XKR4: variants seen among roughly 807,000 people sequenced by gnomAD.
The protein encoded by XKR4 is XK-related protein 4.
In XKR4, 12 loss-of-function variants were observed where a neutral mutation model predicts 53.9. The ratio of observed to expected loss-of-function variants is 0.22; its 90% CI spans 0.14 to 0.36. XKR4 has a LOEUF of 0.36. Ranked by LOEUF, XKR4 falls within the 10% of genes least tolerant of loss-of-function variation. The pLI, the probability that XKR4 is intolerant of heterozygous loss-of-function variation, is 1.00. For missense variants in XKR4, 799 were observed against 859.5 expected, an observed-to-expected ratio of 0.93 and a Z score of 0.88; for synonymous variants, 354 against 362.4, an observed-to-expected ratio of 0.98 and a Z score of 0.26.
At chr8:55,464,297 C>A (rs553610830) in intron 2 of XKR4, among the ~76,000 whole-genome samples, 1 of 152,250 alleles carries the variant, frequency 6.6e-6, no homozygotes, top group South Asian at 2.1e-4. Flanking sequence ...TGGGCTTCAT[C>A]CCTGGGATGC....
intron 1 of XKR4, among the ~76,000 whole-genome samples, chr8:55,183,735 G>A (rs780999380): frequency 6.6e-6 from 1 of 152,152 alleles, no homozygotes; most frequent in African/African-American, 2.4e-5. Context: ...AGCCATAAAG[G>A]TCAGTTAGAT....
chr8:55,494,387 A>G (rs79037589), intron 2 of XKR4, among the ~76,000 whole-genome samples: 4 of 152,060 alleles, frequency 2.6e-5, no homozygotes, highest in African/African-American at 9.7e-5. Context: ...TCTTTTCTTC[A>G]CCCACAACAT....
chr8:55,219,225 C>A (rs1164508819), intron 1 of XKR4, among the ~76,000 whole-genome samples: 1 of 152,174 alleles, frequency 6.6e-6, no homozygotes, highest in African/African-American at 2.4e-5. Flanking sequence ...TTGCCGGGCC[C>A]TTAAGTAGTA....
intron 2 of XKR4, among the ~76,000 whole-genome samples, chr8:55,417,501 T>C (rs143480521): frequency 6.6e-6 from 1 of 152,278 alleles, no homozygotes; most frequent in African/African-American, 2.4e-5. Context: ...CAGATCCACA[T>C]ATAGATTTAG....
At chr8:55,300,232 G>T (rs1395707946) in intron 1 of XKR4, among the ~76,000 whole-genome samples, 2 of 152,176 alleles carry the variant, frequency 1.3e-5, no homozygotes, top group Non-Finnish European at 2.9e-5. Context: ...TCTATGCTGT[G>T]TGTTGAAGGA....
At chr8:55,276,786 A>AT (rs1818770631) in intron 1 of XKR4, among the ~76,000 whole-genome samples, 1 of 152,230 alleles carries the variant, frequency 6.6e-6, no homozygotes, top group Admixed American at 6.5e-5. Flanking sequence ...CTATTATTCT[A>AT]TTTTGCAATA....
At chr8:55,105,499 T>G (rs1043548334) in intron 1 of XKR4, among the ~76,000 whole-genome samples, 3 of 152,200 alleles carry the variant, frequency 2.0e-5, no homozygotes, top group Non-Finnish European at 4.4e-5. Flanking sequence ...ATTTCTATAG[T>G]ATTTTCCTTA....
intron 1 of XKR4, among the ~76,000 whole-genome samples, chr8:55,317,570 A>G (rs1208553003): frequency 6.6e-6 from 1 of 152,204 alleles, no homozygotes; most frequent in Non-Finnish European, 1.5e-5. Context: ...TTATTTATGG[A>G]TAAGAGACAG....
chr8:55,197,710 G>GT (rs915216382), intron 1 of XKR4, among the ~76,000 whole-genome samples: 2 of 151,806 alleles, frequency 1.3e-5, no homozygotes, highest in Non-Finnish European at 2.9e-5. Flanking sequence ...CGCCTGGCTA[G>GT]TTTTTTGTAT....
intron 1 of XKR4, among the ~76,000 whole-genome samples, chr8:55,236,881 C>G (rs1818134544): frequency 6.6e-6 from 1 of 152,180 alleles, no homozygotes; most frequent in African/African-American, 2.4e-5. Context: ...TCTGGACTCT[C>G]TCTCCCTCTT....
chr8:55,451,296 T>C (rs959227147), intron 2 of XKR4: 4 of 594,234 alleles, frequency 6.7e-6, no homozygotes, highest in Non-Finnish European at 1.2e-5. Context: ...GTGCAGTCAG[T>C]CTGGATGCCG....
chr8:55,484,844 C>T (rs1806168966), intron 2 of XKR4, among the ~76,000 whole-genome samples: 1 of 152,224 alleles, frequency 6.6e-6, no homozygotes. Flanking sequence ...CTCCTGTCTT[C>T]AGACTTGGAC....
At chr8:55,514,134 A>G (rs1016896654) in intron 2 of XKR4, among the ~76,000 whole-genome samples, 3 of 152,144 alleles carry the variant, frequency 2.0e-5, no homozygotes, top group Non-Finnish European at 2.9e-5. Flanking sequence ...TCTAATCCTC[A>G]GTTTTTTCAT....
At position 55,480,584 on chromosome 8, in the gene XKR4, T is replaced by C. The variant is rs577525084; in HGVS notation, c.1007-42697T>C. Reference sequence around the variant, plus strand: ...AGGCAGGAGAAGGAAATAAAGGGTATTCAATTAGGAAAAGAGGAAGTCAAA... The same window carrying C: ...AGGCAGGAGAAGGAAATAAAGGGTACTCAATTAGGAAAAGAGGAAGTCAAA... On this transcript the variant is annotated intron_variant, in intron 2 of 2. Coordinates refer to ENST00000327381, the MANE Select transcript of XKR4 (RefSeq NM_052898.2). 8.9e-4 allele frequency among the ~76,000 whole-genome samples: 135 copies of C among 152,150 alleles called. 1 individual carries two copies. Among genetic ancestry groups the C allele is most frequent in the African/African-American group, 3.2e-3 (131 of 41,468 alleles).
chr8:55,109,213 A>G (rs1816198870), intron 1 of XKR4, among the ~76,000 whole-genome samples: 1 of 152,126 alleles, frequency 6.6e-6, no homozygotes, highest in Non-Finnish European at 1.5e-5. Context: ...CATAGTCAGG[A>G]AAATTAGGTA....
At chr8:55,269,671 C>T (rs1818659330) in intron 1 of XKR4, among the ~76,000 whole-genome samples, 1 of 152,098 alleles carries the variant, frequency 6.6e-6, no homozygotes, top group Admixed American at 6.5e-5. Flanking sequence ...ACTGGCCTTC[C>T]TTAAAAAGTT....
intron 2 of XKR4, among the ~76,000 whole-genome samples, chr8:55,418,372 G>T (rs945214153): frequency 2.0e-5 from 3 of 152,184 alleles, no homozygotes; most frequent in African/African-American, 7.2e-5. Flanking sequence ...TCTTCTAGTT[G>T]TTCAGGCTAA....
intron 1 of XKR4, among the ~76,000 whole-genome samples, chr8:55,217,024 C>T (rs1585945437): frequency 1.3e-5 from 2 of 151,776 alleles, no homozygotes; most frequent in African/African-American, 2.4e-5. Context: ...GGGTGGATCA[C>T]GAGGTCAGGA....
chr8:55,477,810 G>A (rs541807992), intron 2 of XKR4, among the ~76,000 whole-genome samples: 55 of 152,140 alleles, frequency 3.6e-4, no homozygotes, highest in African/African-American at 5.8e-4. Flanking sequence ...TATCAGTGAC[G>A]GAAGATGAAA....
Sources: allele counts gnomAD v4.1 joint callset (sites outside exome capture counted in the v4.1 genomes callset), GRCh38; gene constraint gnomAD v4.1.1; transcripts MANE v1.5; gene names NCBI Gene and HGNC (gene_info 2026-07-23, HGNC 2026-07-21).